DCC: variants seen among roughly 807,000 people sequenced by gnomAD.
DCC encodes netrin receptor DCC.
A neutral mutation model predicts 172.5 loss-of-function variants in DCC; 58 were observed. That is an observed-to-expected ratio of 0.34 (90% CI 0.27 to 0.42). The LOEUF (loss-of-function observed/expected upper bound fraction) is 0.42. Ranked by LOEUF, DCC falls within the 10% of genes least tolerant of loss-of-function variation. DCC has a pLI of 1.00. For synonymous variants in DCC, 709 were observed against 644.5 expected (o/e 1.10, Z -1.52); for missense variants, 1,740 against 1,791.0 (o/e 0.97, Z 0.51).
At chr18:52,759,752 AG>A (rs2037129919) in intron 2 of DCC, among the ~76,000 whole-genome samples, 1 of 152,232 alleles carries the variant, frequency 6.6e-6, no homozygotes, top group African/African-American at 2.4e-5. Context: ...TTACATCACA[AG>A]GAAAATATAT....
rs1707045206 is a variant in DCC at position 53,532,532 on chromosome 18, T to C, written c.*1879T>C. The C allele has an allele frequency of 3.3e-5, 5 of 152,232 alleles. No individual in the cohort carries two copies. Among genetic ancestry groups the C allele is most frequent in the Admixed American group, 2.0e-4 (3 of 15,276 alleles). 9.4% of individuals were successfully genotyped at this position (152,232 alleles called of 1,614,324 possible). On this transcript the variant is annotated 3_prime_UTR_variant, in exon 29 of 29. Transcript: ENST00000442544. ...CTTATTTAACATCTGGGCACTTAGGTAGACAACCTTCTACTGACCTGGAAT... is the reference window on the plus strand; with the variant it reads ...CTTATTTAACATCTGGGCACTTAGGCAGACAACCTTCTACTGACCTGGAAT...
At chr18:52,492,908 CG>C (rs2030577124) in intron 1 of DCC, among the ~76,000 whole-genome samples, 1 of 151,964 alleles carries the variant, frequency 6.6e-6, no homozygotes, top group Non-Finnish European at 1.5e-5. Context: ...CATATGATAG[CG>C]GGCAGTCAGG....
chr18:52,796,526 C>A (rs2037880826), intron 2 of DCC, among the ~76,000 whole-genome samples: 1 of 152,088 alleles, frequency 6.6e-6, no homozygotes, highest in African/African-American at 2.4e-5. Context: ...ATTGCTTCAG[C>A]TTTTGCTTGT....
Position 52,759,783 on chromosome 18 carries a change from A to C in DCC, c.412+7409A>C, listed in dbSNP as rs1183709288. 5.9e-5 allele frequency among the ~76,000 whole-genome samples: 9 copies of C among 152,354 alleles called. No individual in the cohort carries two copies. The South Asian group carries it at 1.7e-3, about 28-fold the overall frequency. ...ATATATTACACTGTTAATCTTGTTAATCTTTAACAAAACACAGATTAACAA... is the reference window on the plus strand; with the variant it reads ...ATATATTACACTGTTAATCTTGTTACTCTTTAACAAAACACAGATTAACAA... On this transcript the variant is annotated intron_variant, in intron 2 of 28. Transcript: ENST00000442544.
chr18:53,002,640 C>G (rs1243094990), intron 5 of DCC, among the ~76,000 whole-genome samples: 1 of 142,024 alleles, frequency 7.0e-6, no homozygotes, highest in Non-Finnish European at 1.6e-5. Context: ...ATAATAAGCA[C>G]ATGCCAGATA....
chr18:52,733,676 T>G (rs1825340158), intron 1 of DCC, among the ~76,000 whole-genome samples: 1 of 152,054 alleles, frequency 6.6e-6, no homozygotes, highest in African/African-American at 2.4e-5. Context: ...TAAATGTTTT[T>G]GTAAAGACAT....
chr18:52,945,694 C>G (rs745681224), intron 5 of DCC, among the ~76,000 whole-genome samples: 5 of 152,188 alleles, frequency 3.3e-5, no homozygotes, highest in Non-Finnish European at 7.3e-5. Context: ...GTCAGCTCCA[C>G]TTGTCCCTGG....
intron 7 of DCC, among the ~76,000 whole-genome samples, chr18:53,068,803 GTA>G (rs1232521906): frequency 5.2e-4 from 79 of 151,228 alleles, no homozygotes; most frequent in African/African-American, 1.2e-3. Flanking sequence ...GTGTGTATGT[GTA>G]TGTGTGTGTG....
At chr18:53,125,501 CA>C (rs1211092413) in intron 7 of DCC, among the ~76,000 whole-genome samples, 1 of 152,070 alleles carries the variant, frequency 6.6e-6, no homozygotes, top group African/African-American at 2.4e-5. Flanking sequence ...ATTTTCTTAG[CA>C]ACTTTTTCTT....
intron 7 of DCC, among the ~76,000 whole-genome samples, chr18:53,116,070 C>T (rs1358799663): frequency 6.6e-6 from 1 of 151,618 alleles, no homozygotes; most frequent in Non-Finnish European, 1.5e-5. Flanking sequence ...CACAATGTTA[C>T]ATTTTGCTGA....
intron 7 of DCC, among the ~76,000 whole-genome samples, chr18:53,106,167 T>G (rs957997897): frequency 2.6e-5 from 4 of 151,918 alleles, no homozygotes; most frequent in Non-Finnish European, 5.9e-5. Context: ...CTTTGGCAAT[T>G]GGGCTTGATG....
At chr18:53,334,119 A>G (rs1388705422) in intron 14 of DCC, among the ~76,000 whole-genome samples, 1 of 152,186 alleles carries the variant, frequency 6.6e-6, no homozygotes, top group Non-Finnish European at 1.5e-5. Context: ...ACTTTATATC[A>G]TCTTCACAAC....
At chr18:52,979,222 G>A (rs1299469769) in intron 5 of DCC, among the ~76,000 whole-genome samples, 1 of 152,156 alleles carries the variant, frequency 6.6e-6, no homozygotes, top group Non-Finnish European at 1.5e-5. Context: ...TGGAGGTACA[G>A]GAGATTAGTC....
At chr18:52,629,493 G>A (rs1057083313) in intron 1 of DCC, among the ~76,000 whole-genome samples, 5 of 152,108 alleles carry the variant, frequency 3.3e-5, no homozygotes, top group African/African-American at 1.2e-4. Flanking sequence ...TGTGAGAGGA[G>A]ACCACATGTA....
chr18:52,444,637 G>T (rs925427323), intron 1 of DCC, among the ~76,000 whole-genome samples: 1 of 152,162 alleles, frequency 6.6e-6, no homozygotes, highest in Non-Finnish European at 1.5e-5. Context: ...AAGGTTAAAA[G>T]ATTTGTTTTC....
chr18:52,880,850 T>C (rs1396213731), intron 2 of DCC, among the ~76,000 whole-genome samples: 2 of 152,180 alleles, frequency 1.3e-5, no homozygotes, highest in Admixed American at 6.5e-5. Flanking sequence ...TTTGTTATAT[T>C]GATTTCCTTT....
At chr18:52,381,294 A>T (rs186133363) in intron 1 of DCC, among the ~76,000 whole-genome samples, 1 of 152,282 alleles carries the variant, frequency 6.6e-6, no homozygotes, top group Admixed American at 6.5e-5. Flanking sequence ...GAGGTGATGC[A>T]TGTAGTTGGT....
At chr18:52,980,961 C>A (rs1408357383) in intron 5 of DCC, among the ~76,000 whole-genome samples, 1 of 119,184 alleles carries the variant, frequency 8.4e-6, no homozygotes, top group Non-Finnish European at 1.8e-5. Flanking sequence ...TTTTTTTTTA[C>A]TAAATACAAC....
intron 1 of DCC, among the ~76,000 whole-genome samples, chr18:52,557,163 C>A (rs2032935923): frequency 1.3e-5 from 2 of 152,092 alleles, no homozygotes; most frequent in African/African-American, 4.8e-5. Flanking sequence ...CAAGTATAAT[C>A]TTTCTTCAAG....
Sources: gnomAD v4.1 joint callset for allele counts (sites outside exome capture counted in the v4.1 genomes callset) on GRCh38, gnomAD v4.1.1 for gene constraint, MANE v1.5 for transcripts, NCBI Gene and HGNC (gene_info 2026-07-23, HGNC 2026-07-21) for gene names.